SERPINB6: variants seen among roughly 807,000 people sequenced by gnomAD.
SERPINB6 encodes serpin B6.
In SERPINB6, 16 loss-of-function variants were observed where a neutral mutation model predicts 26.1. The ratio of observed to expected loss-of-function variants is 0.61; its 90% CI spans 0.42 to 0.93. The LOEUF (loss-of-function observed/expected upper bound fraction) is 0.93. Ranked by LOEUF, SERPINB6 falls within the 40% of genes least tolerant of loss-of-function variation. SERPINB6 has a pLI of 0.00. For missense variants in SERPINB6, 420 were observed against 478.0 expected (o/e 0.88, Z 1.13); for synonymous variants, 174 against 176.6 (o/e 0.99, Z 0.11).
intron 4 of SERPINB6, among the ~76,000 whole-genome samples, chr6:2,953,862 C>T (rs1770103112): frequency 6.6e-6 from 1 of 151,810 alleles, no homozygotes; most frequent in South Asian, 2.1e-4. Flanking sequence ...AAACCTGTCT[C>T]TACTAAAAAA....
chr6:2,968,591 T>G lies in SERPINB6; in HGVS notation c.-11+2942A>C, dbSNP rs147350366. On this transcript the variant is annotated intron_variant, in intron 1 of 6. Transcript: ENST00000380539. Reference sequence around the variant, plus strand: ...ACTAATTCTTTGGATACCACAATTATAGTTTATTGAGTCTTCCGTTCCCTG... The same window carrying G: ...ACTAATTCTTTGGATACCACAATTAGAGTTTATTGAGTCTTCCGTTCCCTG... 1.1e-4 allele frequency: 130 copies of G among 1,213,320 alleles called. No individual in the cohort carries two copies. The East Asian group carries it at 3.7e-3, about 34-fold the overall frequency. 75.2% of individuals were successfully genotyped at this position (1,213,320 alleles called of 1,614,324 possible). A position where few individuals can be genotyped will look rare whatever the true frequency, so the allele number is the denominator to read the frequency against.
At chr6:2,970,202 A>G (rs1021361181) in intron 1 of SERPINB6, 1 of 985,202 alleles carries the variant, frequency 1.0e-6, no homozygotes, top group African/African-American at 1.7e-5. Context: ...TATGTGGAAA[A>G]GAATGTTGGT....
intron 1 of SERPINB6, chr6:2,966,781 C>T: frequency 4.4e-6 from 1 of 229,220 alleles, no homozygotes; most frequent in Non-Finnish European, 7.2e-6. Context: ...TTTTCTAGTC[C>T]AAAGACTAGA....
chr6:2,955,976 T>C (rs779715939), intron 2 of SERPINB6: 4 of 301,540 alleles, frequency 1.3e-5, no homozygotes, highest in Non-Finnish European at 2.6e-5. Flanking sequence ...CTCGGGAAGC[T>C]GAGGAAAGAG....
At chr6:2,953,290 T>C (rs1770035954) in intron 4 of SERPINB6, 104 bp from the exon 5 acceptor site, 2 of 1,460,762 alleles carry the variant, frequency 1.4e-6, no homozygotes, top group Admixed American at 1.7e-5. Context: ...AGTGCACGGA[T>C]AGAGAGTTCC....
intron 1 of SERPINB6, chr6:2,963,256 C>T (rs1189039251): frequency 1.3e-5 from 2 of 152,172 alleles, no homozygotes; most frequent in East Asian, 3.8e-4. Context: ...TTAAAAGTTT[C>T]AACTTCAGAA....
intron 1 of SERPINB6, among the ~76,000 whole-genome samples, chr6:2,964,224 AG>A (rs1181865205): frequency 1.3e-5 from 2 of 152,268 alleles, no homozygotes; most frequent in Non-Finnish European, 2.9e-5. Flanking sequence ...AAGTGAAGGA[AG>A]AAAAGAAAAT....
In SERPINB6 at chr6:2,951,411, A is replaced by AT. The variant is rs1170528454; in HGVS notation, c.573+1632_573+1633insA. Reference sequence around the variant, plus strand: ...TGGAAAAAATAAAAAATAAAAAAAAAAAATAAGCATGGCTGTGTTTCAGTA... The same window carrying AT: ...TGGAAAAAATAAAAAATAAAAAAAAATAAATAAGCATGGCTGTGTTTCAGTA... On this transcript the variant is annotated intron_variant, in intron 5 of 6. Coordinates refer to ENST00000380539, the MANE Select transcript of SERPINB6 (RefSeq NM_004568.6). Among the ~76,000 whole-genome samples, 4 of 151,754 alleles carry AT rather than the reference A, an allele frequency of 2.6e-5. 1 individual carries two copies. Among genetic ancestry groups the AT allele is most frequent in the South Asian group, 2.1e-4 (1 of 4,822 alleles).
At chr6:2,971,231 G>A (rs1345016598) in intron 1 of SERPINB6, 6 of 957,014 alleles carry the variant, frequency 6.3e-6, no homozygotes, top group Admixed American at 6.2e-5. Context: ...CCGGGCTCGC[G>A]GCCACGCACG....
At chr6:2,962,108 C>A (rs1335144073) in intron 1 of SERPINB6, 4 of 985,330 alleles carry the variant, frequency 4.1e-6, no homozygotes, top group Middle Eastern at 5.2e-4. Context: ...CCCGGAGAAT[C>A]TGTTTCAGGC....
intron 2 of SERPINB6, chr6:2,956,778 G>A (rs962069022): frequency 2.0e-5 from 3 of 151,824 alleles, no homozygotes; most frequent in Non-Finnish European, 2.9e-5. Context: ...CCGACATCGC[G>A]CCATTGTGCT....
In SERPINB6 at chr6:2,948,445, C is replaced by T. The variant is rs756133384; in HGVS notation, c.984G>A (p.Thr328=). Residue 328 remains threonine, a synonymous_variant, in exon 7 of 7, where the codon ACG becomes ACA. Transcript: ENST00000380539. The surrounding 1 kb of genome is among the most constrained non-coding windows in gnomAD (Gnocchi z 5.0). ...TGGCAGCTGTGGCGGCTGCAGCCTC[C>T]GTGCCTTCCTCATTGACCTCCACAA... The part of the protein sequence containing the change: ...KSFVEVNEEG[T]EAAAATAAIM... 1.6e-5 allele frequency: 26 copies of T among 1,614,046 alleles called. No individual in the cohort carries two copies. Among genetic ancestry groups the T allele is most frequent in the East Asian group, 6.7e-5 (3 of 44,888 alleles).
chr6:2,966,279 A>T, intron 1 of SERPINB6: 2 of 822,758 alleles, frequency 2.4e-6, no homozygotes, highest in Non-Finnish European at 2.9e-6. Flanking sequence ...TGAACTTATT[A>T]ATGAGCTTGG....
At chr6:2,968,604 C>T (rs1328611779) in intron 1 of SERPINB6, 1 of 1,217,354 alleles carries the variant, frequency 8.2e-7, no homozygotes, top group East Asian at 3.3e-5. Context: ...TTTATTGAGT[C>T]TTCCGTTCCC....
intron 1 of SERPINB6, among the ~76,000 whole-genome samples, chr6:2,964,387 A>G (rs1051298748): frequency 6.6e-6 from 1 of 152,216 alleles, no homozygotes; most frequent in South Asian, 2.1e-4. Context: ...CACAGTAATG[A>G]CATGGGAATA....
chr6:2,959,898 A>C, intron 1 of SERPINB6: 1 of 178,806 alleles, frequency 5.6e-6, no homozygotes. Context: ...ATGCCTCCTG[A>C]CCCTTGGATC....
Position 2,955,624 on chromosome 6 carries a change from C to T in SERPINB6, c.212G>A (p.Gly71Asp), listed in dbSNP as rs139696192. ...KSGGGGDIHQ[G>D]FQSLLTEVNK... is the part of the protein sequence containing the mutation. ...CACTTCGGTGAGAAGAGACTGGAAGCCCTGGTGGATGTCTCCACCACCGCC... is the reference window on the plus strand; with the variant it reads ...CACTTCGGTGAGAAGAGACTGGAAGTCCTGGTGGATGTCTCCACCACCGCC... The change falls in exon 3 of 7, where the codon GGC (glycine) becomes GAC (aspartate). Residue 71 changes from glycine (G) to aspartate (D), a missense_variant. Transcript: ENST00000380539. 25 of 1,614,048 alleles carry T rather than the reference C, an allele frequency of 1.5e-5. No individual in the cohort carries two copies. Among genetic ancestry groups the T allele is most frequent in the Non-Finnish European group, 1.9e-5 (23 of 1,180,038 alleles).
In SERPINB6 at chr6:2,965,887, G is replaced by T. The variant is rs185348073; in HGVS notation, c.-11+5646C>A. On this transcript the variant is annotated intron_variant, in intron 1 of 6. Coordinates refer to ENST00000380539, the MANE Select transcript of SERPINB6 (RefSeq NM_004568.6). ...TGGTTCATGGTCTTTGTGCATCAAA[G>T]CAGTTTCTCAGCACAGGGCACACAC... 2.6e-5 allele frequency among the ~76,000 whole-genome samples: 4 copies of T among 152,266 alleles called. No homozygotes were observed. The East Asian group carries it at 7.7e-4, about 29-fold the overall frequency.
chr6:2,959,395 C>T, intron 1 of SERPINB6, 53 bp from the exon 2 acceptor site: 1 of 1,583,894 alleles, frequency 6.3e-7, no homozygotes. Flanking sequence ...CACGCGACTG[C>T]ATCTCACGCG....
Sources: gnomAD v4.1 joint callset for allele counts (sites outside exome capture counted in the v4.1 genomes callset) on GRCh38, gnomAD v4.1.1 for gene constraint, Gnocchi (gnomAD v3.1) non-coding constraint, MANE v1.5 for transcripts, NCBI Gene and HGNC (gene_info 2026-07-23, HGNC 2026-07-21) for gene names.